The following ERC2 variants were observed in gnomAD, a reference collection of about 807,000 sequenced individuals.
ERC2 encodes ELKS/RAB6-interacting/CAST family member 2.
In ERC2, 42 loss-of-function variants were observed where a neutral mutation model predicts 114.8. That is an observed-to-expected ratio of 0.37 (90% confidence interval 0.29 to 0.47). The LOEUF (loss-of-function observed/expected upper bound fraction) is 0.47. Ranked by LOEUF, ERC2 falls within the 20% of genes least tolerant of loss-of-function variation. The pLI, the probability that ERC2 is intolerant of heterozygous loss-of-function variation, is 0.99. For synonymous variants in ERC2, 454 were observed against 425.5 expected, an observed-to-expected ratio of 1.07 and a Z score of -0.82; for missense variants, 939 against 1,150.7, an observed-to-expected ratio of 0.82 and a Z score of 2.66.
chr3:56,180,411 A>G (rs1348781110), intron 3 of ERC2, among the ~76,000 whole-genome samples: 1 of 152,242 alleles, frequency 6.6e-6, no homozygotes, highest in Non-Finnish European at 1.5e-5. Context: ...AGGTAGAAGC[A>G]ACCCAAATGT....
At chr3:56,080,435 GT>G (rs1277964962) in intron 7 of ERC2, among the ~76,000 whole-genome samples, 1 of 152,086 alleles carries the variant, frequency 6.6e-6, no homozygotes, top group Non-Finnish European at 1.5e-5. Flanking sequence ...ATCTACTACA[GT>G]TTATGTGACT....
intron 16 of ERC2, among the ~76,000 whole-genome samples, chr3:55,689,995 C>G (rs1263509664): frequency 6.6e-6 from 1 of 152,004 alleles, no homozygotes; most frequent in Non-Finnish European, 1.5e-5. Flanking sequence ...ACTAGTAAAA[C>G]AAATTATTTG....
At chr3:55,721,635 T>C (rs559645915) in intron 15 of ERC2, among the ~76,000 whole-genome samples, 1 of 152,348 alleles carries the variant, frequency 6.6e-6, no homozygotes, top group South Asian at 2.1e-4. Context: ...GCTAGAACTC[T>C]TGGGTCCATT....
intron 14 of ERC2, among the ~76,000 whole-genome samples, chr3:55,823,830 TC>T (rs1410914561): frequency 6.6e-6 from 1 of 152,058 alleles, no homozygotes; most frequent in Non-Finnish European, 1.5e-5. Flanking sequence ...GCCCTCAAAT[TC>T]CCAATTGTAT....
chr3:55,833,998 C>A (rs1196516191), intron 14 of ERC2, among the ~76,000 whole-genome samples: 1 of 150,750 alleles, frequency 6.6e-6, no homozygotes, highest in African/African-American at 2.4e-5. Flanking sequence ...CAACAAAGAT[C>A]AAAAGAGACA....
chr3:55,607,330 T>C (rs1251314128), intron 17 of ERC2, among the ~76,000 whole-genome samples: 2 of 152,154 alleles, frequency 1.3e-5, no homozygotes, highest in East Asian at 3.9e-4. Context: ...AGAAGTGACA[T>C]GTAACGCTGA....
At chr3:56,104,495 C>T (rs1197728645) in intron 6 of ERC2, among the ~76,000 whole-genome samples, 3 of 152,184 alleles carry the variant, frequency 2.0e-5, no homozygotes, top group Non-Finnish European at 4.4e-5. Flanking sequence ...GTGGCATGCT[C>T]CCTCATTGGA....
chr3:55,721,659 C>A (rs62249315), intron 15 of ERC2, among the ~76,000 whole-genome samples: 2,852 of 152,342 alleles, frequency 0.019, 37 homozygotes, highest in Middle Eastern at 0.031. Context: ...AGACCCTGAA[C>A]CTTCTACTGC....
chr3:56,309,317 T>C (rs919027219), intron 2 of ERC2, among the ~76,000 whole-genome samples: 6 of 152,202 alleles, frequency 3.9e-5, no homozygotes, highest in African/African-American at 1.4e-4. Context: ...GTTGATAATA[T>C]GTGACGTTTT....
At chr3:55,580,733 T>C (rs1015869934) in intron 17 of ERC2, among the ~76,000 whole-genome samples, 43 of 152,352 alleles carry the variant, frequency 2.8e-4, no homozygotes, top group East Asian at 1.9e-4. Context: ...TGTTAATTCA[T>C]TAAATACATA....
intron 3 of ERC2, among the ~76,000 whole-genome samples, chr3:56,195,540 A>T (rs914506599): frequency 8.6e-5 from 13 of 151,078 alleles, no homozygotes; most frequent in African/African-American, 3.2e-4. Flanking sequence ...TTAAAATAGG[A>T]CAATACTGGC....
chr3:55,970,065 G>T (rs975955428), intron 12 of ERC2, among the ~76,000 whole-genome samples: 1 of 152,112 alleles, frequency 6.6e-6, no homozygotes, highest in Non-Finnish European at 1.5e-5. Flanking sequence ...ATAAATGGCC[G>T]CATGTGTGTT....
intron 12 of ERC2, among the ~76,000 whole-genome samples, chr3:55,964,034 T>C (rs1379087597): frequency 6.6e-6 from 1 of 152,160 alleles, no homozygotes; most frequent in East Asian, 1.9e-4. Context: ...CAAATTAGAG[T>C]ATGGAAGTAA....
intron 2 of ERC2, among the ~76,000 whole-genome samples, chr3:56,390,565 G>A (rs1327475583): frequency 1.3e-5 from 2 of 152,170 alleles, no homozygotes; most frequent in African/African-American, 4.8e-5. Flanking sequence ...GATTAGTGAT[G>A]TCTGCCATCA....
intron 2 of ERC2, among the ~76,000 whole-genome samples, chr3:56,322,881 G>A (rs1489897268): frequency 6.6e-6 from 1 of 152,212 alleles, no homozygotes; most frequent in East Asian, 1.9e-4. Flanking sequence ...CAACGTGACA[G>A]TGTTGGGACA....
At chr3:55,958,792 A>G (rs2068153967) in intron 12 of ERC2, among the ~76,000 whole-genome samples, 1 of 152,178 alleles carries the variant, frequency 6.6e-6, no homozygotes, top group Admixed American at 6.5e-5. Context: ...AGGCACCAGG[A>G]GTGGGAAGAG....
chr3:56,383,412 C>T (rs1044287855), intron 2 of ERC2, among the ~76,000 whole-genome samples: 1 of 152,210 alleles, frequency 6.6e-6, no homozygotes, highest in African/African-American at 2.4e-5. Context: ...ATCCCACATA[C>T]TACACTTTGT....
Position 55,918,668 on chromosome 3 carries a change from G to A in ERC2, c.2404-30119C>T, listed in dbSNP as rs544341661. ...CTTGAAACACTGTCTTAAGAATGCT[G>A]TGCTGTTAGGAAGCTGATCCACCCT... On this transcript the variant is annotated intron_variant, in intron 13 of 17. Transcript: ENST00000288221. 2.1e-4 allele frequency among the ~76,000 whole-genome samples: 32 copies of A among 151,786 alleles called. 1 individual carries two copies. In the South Asian group the frequency reaches 6.7e-3, roughly 32 times the overall value.
At position 55,921,689 on chromosome 3, in the gene ERC2, G is replaced by C. The variant is rs375181548; in HGVS notation, c.2403+28736C>G. The stretch of plus-strand genomic sequence containing the variant: ...GAACTAGCATATAACTTTTCTACTA[G>C]TTTTGTATTAATAGGAGATTTAAAT... On this transcript the variant is annotated intron_variant, in intron 13 of 17. Coordinates refer to ENST00000288221, the MANE Select transcript of ERC2 (RefSeq NM_015576.3). Among the ~76,000 whole-genome samples, 13 of 152,176 alleles carry C rather than the reference G, an allele frequency of 8.5e-5. 1 individual carries two copies. Among genetic ancestry groups the C allele is most frequent in the African/African-American group, 3.1e-4 (13 of 41,518 alleles).
Sources: allele counts gnomAD v4.1 joint callset (sites outside exome capture counted in the v4.1 genomes callset), GRCh38; gene constraint gnomAD v4.1.1; transcripts MANE v1.5; gene names NCBI Gene and HGNC (gene_info 2026-07-23, HGNC 2026-07-21).